Variants in TMEM231 observed in about 807,000 individuals in gnomAD.
TMEM231 encodes transmembrane protein 231.
In TMEM231, 40 loss-of-function variants were observed where a neutral mutation model predicts 38.5. The observed-to-expected ratio is 1.04, with a 90% CI of 0.81 to 1.35. The LOEUF (loss-of-function observed/expected upper bound fraction) is 1.35. TMEM231 is among the 40% of genes most tolerant of loss of function. The pLI is 0.00. For synonymous variants in TMEM231, 199 were observed against 181.7 expected (o/e 1.10, Z -0.77); for missense variants, 420 against 416.9 (o/e 1.01, Z -0.07).
upstream of TMEM231, chr16:75,556,283 C>T (rs1203238056): frequency 7.2e-7 from 1 of 1,382,728 alleles, no homozygotes; most frequent in African/African-American, 1.5e-5. Flanking sequence ...GCCTCGGTCT[C>T]CACGGCAACC....
chr16:75,541,668 G>A (rs901740345), intron 5 of TMEM231: 8 of 359,102 alleles, frequency 2.2e-5, no homozygotes, highest in Middle Eastern at 1.4e-3. Flanking sequence ...TAAAAAACTT[G>A]GAAAGAGTTT....
chr16:75,554,545 C>CAAAAAAAAAAAAAAAAAAAGAAAAAAAA (rs1185694717), intron 2 of TMEM231, among the ~76,000 whole-genome samples: 1 of 94,118 alleles, frequency 1.1e-5, no homozygotes, highest in African/African-American at 3.9e-5. Context: ...GACTGTGTCT[C>CAAAAAAAAAAAAAAAAAAAGAAAAAAAA]AAAAAAAAAA....
intron 4 of TMEM231, among the ~76,000 whole-genome samples, chr16:75,544,949 C>CTTCTTTTTTTTTTTTT (rs2080666559): frequency 1.1e-5 from 1 of 89,622 alleles, no homozygotes; most frequent in African/African-American, 3.8e-5. Context: ...TTTTCTTTTT[C>CTTCTTTTTTTTTTTTT]TTTTTTTTTT....
At chr16:75,544,751 T>C (rs1479612263) in intron 4 of TMEM231, among the ~76,000 whole-genome samples, 1 of 152,184 alleles carries the variant, frequency 6.6e-6, no homozygotes, top group Admixed American at 6.5e-5. Context: ...ACAATGTGTG[T>C]GTGTGCACCC....
At chr16:75,546,047 T>G in intron 2 of TMEM231, 93 bp from the exon 3 acceptor site, 2 of 1,556,604 alleles carry the variant, frequency 1.3e-6, no homozygotes, top group South Asian at 1.2e-5. Context: ...ACCCACTGTC[T>G]TGCTGTACAC....
At chr16:75,544,025 CACAG>C (rs2080655177) in intron 4 of TMEM231, among the ~76,000 whole-genome samples, 1 of 152,180 alleles carries the variant, frequency 6.6e-6, no homozygotes, top group Non-Finnish European at 1.5e-5. Flanking sequence ...GAGTTCTGCA[CACAG>C]ACAGGCTCTG....
At chr16:75,540,317 T>C in intron 6 of TMEM231, 143 bp from the exon 7 acceptor site, 2 of 794,848 alleles carry the variant, frequency 2.5e-6, no homozygotes, top group Admixed American at 6.4e-5. Flanking sequence ...GACCTGAACT[T>C]GGCCAAATGG....
At chr16:75,554,725 A>G (rs1310338817) in intron 2 of TMEM231, among the ~76,000 whole-genome samples, 1 of 152,156 alleles carries the variant, frequency 6.6e-6, no homozygotes, top group Non-Finnish European at 1.5e-5. Flanking sequence ...ACTCTATCAT[A>G]TTTTAGAATG....
rs572277373 is a variant in TMEM231 at position 75,545,727 on chromosome 16, G to C, written c.438+99C>G. 3 of 601,952 alleles carry C rather than the reference G, an allele frequency of 5.0e-6. No homozygotes were observed. In the East Asian group the frequency reaches 8.9e-5, roughly 18 times the overall value. 37.3% of individuals were successfully genotyped at this position (601,952 alleles called of 1,614,324 possible). ...TAAATCCCAAACTACATGGGGAAGA[G>C]GGCCCGCTAGAGTGCGGGTCTTCTA... On this transcript the variant is annotated intron_variant, in intron 3 of 6. Transcript: ENST00000258173.
intron 4 of TMEM231, among the ~76,000 whole-genome samples, chr16:75,543,703 T>C (rs181850856): frequency 6.6e-5 from 10 of 152,366 alleles, no homozygotes; most frequent in South Asian, 6.2e-4. Flanking sequence ...TATAGAGATA[T>C]AGATAAAATG....
intron 2 of TMEM231, among the ~76,000 whole-genome samples, chr16:75,554,545 C>CAAAAAAAAAAAAAAAAAAGAAAAA (rs2080791308): frequency 1.1e-5 from 1 of 94,116 alleles, no homozygotes; most frequent in African/African-American, 3.9e-5. Context: ...GACTGTGTCT[C>CAAAAAAAAAAAAAAAAAAGAAAAA]AAAAAAAAAA....
rs573877725 is a variant in TMEM231, at chr16:75,546,023, G to C, written c.310-69C>G. ...TCTGGGAGGAATCCACATCACTTCT[G>C]TAAATACACAATGACCCACTGTCTT... is the stretch of plus-strand genomic sequence containing the variant. On this transcript the variant is annotated intron_variant, in intron 2 of 6. Transcript: ENST00000258173. 49 of 1,564,112 alleles carry C rather than the reference G, an allele frequency of 3.1e-5. No individual in the cohort carries two copies. In the African/African-American group the frequency reaches 5.8e-4, roughly 19 times the overall value.
chr16:75,554,749 G>T lies in TMEM231; in HGVS notation c.309+1055C>A, dbSNP rs1314076133. 2.6e-5 allele frequency among the ~76,000 whole-genome samples: 4 copies of T among 152,084 alleles called. 1 individual carries two copies. In the East Asian group the frequency reaches 7.7e-4, roughly 29 times the overall value. On this transcript the variant is annotated intron_variant, in intron 2 of 6. Coordinates refer to ENST00000258173, the MANE Select transcript of TMEM231 (RefSeq NM_001077418.3). ...TATTTTAGAATGAGCATGCACTTTT[G>T]TAATCAGAATATAAGAACATTTATA...
intron 2 of TMEM231, among the ~76,000 whole-genome samples, chr16:75,552,022 T>G (rs1186815961): frequency 2.0e-5 from 3 of 151,932 alleles, no homozygotes; most frequent in Non-Finnish European, 4.4e-5. Flanking sequence ...ATTCAGGGAT[T>G]CCTAAAACTT....
At chr16:75,541,579 G>A in intron 5 of TMEM231, 124 bp from the exon 6 acceptor site, 1 of 548,386 alleles carries the variant, frequency 1.8e-6, no homozygotes. Context: ...TCATTCGGAA[G>A]GAAAGAGAAA....
Position 75,542,651 on chromosome 16 carries a change from G to A in TMEM231, c.615C>T (p.Ala205=), listed in dbSNP as rs768391371. The A allele has an allele frequency of 5.0e-6, 8 of 1,613,796 alleles. No individual in the cohort carries two copies. Among genetic ancestry groups the A allele is most frequent in the African/African-American group, 1.3e-5 (1 of 74,906 alleles). ...ISVINGTSPF[A]YDYDLTHIVA... ...CAATATGGGTGAGGTCGTAGTCATA[G>A]GCAAAGGGGCTGGTCCCGTTGATCA... Residue 205 remains alanine (A), a synonymous_variant, in exon 5 of 7, where the codon GCC becomes GCT. Transcript: ENST00000258173.
intron 2 of TMEM231, among the ~76,000 whole-genome samples, chr16:75,554,304 C>T (rs1013751088): frequency 6.6e-6 from 1 of 152,086 alleles, no homozygotes; most frequent in Non-Finnish European, 1.5e-5. Context: ...GTGGCTGACA[C>T]CTATGATCCC....
chr16:75,554,915 AC>A (rs1404945712), intron 2 of TMEM231: 3 of 152,230 alleles, frequency 2.0e-5, no homozygotes, highest in African/African-American at 7.2e-5. Context: ...TATTTATACG[AC>A]CAATCGGATT....
chr16:75,552,857 G>A (rs752625994), intron 2 of TMEM231, among the ~76,000 whole-genome samples: 3 of 152,076 alleles, frequency 2.0e-5, no homozygotes, highest in African/African-American at 7.2e-5. Context: ...TAGAAACACG[G>A]TACTCTCCAC....
Sources: allele counts gnomAD v4.1 joint callset (sites outside exome capture counted in the v4.1 genomes callset), GRCh38; gene constraint gnomAD v4.1.1; transcripts MANE v1.5; gene names NCBI Gene and HGNC (gene_info 2026-07-23, HGNC 2026-07-21).